TBC1D5: variants seen among roughly 807,000 people sequenced by gnomAD.
TBC1D5 encodes the protein TBC1 domain family member 5, also known as TBC1 domain family, member 5.
In TBC1D5, 75 loss-of-function variants were observed where a neutral mutation model predicts 100.3. The ratio of observed to expected loss-of-function variants is 0.75; its 90% CI spans 0.62 to 0.91. The LOEUF is 0.91. TBC1D5 is among the 40% of genes least tolerant of loss of function. The probability of loss-of-function intolerance (pLI) is 0.00; values close to 1 mark genes in which losing one functional copy is unlikely to be tolerated. For synonymous variants in TBC1D5, 323 were observed against 325.6 expected, an observed-to-expected ratio of 0.99 and a Z score of 0.09; for missense variants, 910 against 942.4, an observed-to-expected ratio of 0.97 and a Z score of 0.45.
At chr3:17,380,045 A>ATGTGTGTG (rs3041142) in intron 9 of TBC1D5, among the ~76,000 whole-genome samples, 6,840 of 112,176 alleles carry the variant, frequency 0.061, 236 homozygotes, top group East Asian at 0.13. Flanking sequence ...GTGACTGTGT[A>ATGTGTGTG]TGTGTGTGTG....
intron 13 of TBC1D5, among the ~76,000 whole-genome samples, chr3:17,321,732 T>C (rs969896915): frequency 1.3e-5 from 2 of 152,214 alleles, no homozygotes; most frequent in Non-Finnish European, 2.9e-5. Flanking sequence ...TCTGTGCTAG[T>C]TCTTTCTTGA....
chr3:17,589,947 A>ATAT (rs911408110), intron 2 of TBC1D5, among the ~76,000 whole-genome samples: 13 of 152,190 alleles, frequency 8.5e-5, no homozygotes, highest in African/African-American at 3.1e-4. Flanking sequence ...AGGAGATGTG[A>ATAT]TATAGCCCAG....
intron 15 of TBC1D5, among the ~76,000 whole-genome samples, chr3:17,289,564 G>T (rs1052884881): frequency 1.3e-5 from 2 of 151,596 alleles, no homozygotes; most frequent in African/African-American, 4.9e-5. Flanking sequence ...AACCTGGGAG[G>T]CGGAGGTTGC....
intron 1 of TBC1D5, among the ~76,000 whole-genome samples, chr3:17,701,790 G>C (rs1360267251): frequency 6.6e-6 from 1 of 151,804 alleles, no homozygotes; most frequent in East Asian, 1.9e-4. Context: ...TTCCTTAACA[G>C]TTTAAAGGCT....
chr3:17,574,987 C>T (rs1663850255), intron 2 of TBC1D5, among the ~76,000 whole-genome samples: 1 of 152,014 alleles, frequency 6.6e-6, no homozygotes, highest in African/African-American at 2.4e-5. Flanking sequence ...ACACAAAACA[C>T]CCTAGGTTGT....
At chr3:17,474,524 T>A (rs547069468) in intron 3 of TBC1D5, among the ~76,000 whole-genome samples, 3 of 151,858 alleles carry the variant, frequency 2.0e-5, no homozygotes, top group Admixed American at 6.6e-5. Context: ...AGGAAAAAAA[T>A]AAAGCTGATA....
intron 13 of TBC1D5, among the ~76,000 whole-genome samples, chr3:17,322,489 A>G (rs1426222700): frequency 6.6e-6 from 1 of 152,236 alleles, no homozygotes; most frequent in Non-Finnish European, 1.5e-5. Context: ...GATTTCTGAC[A>G]TAAGGGGGAA....
chr3:17,211,836 T>G (rs1225876924), intron 18 of TBC1D5, among the ~76,000 whole-genome samples: 1 of 152,214 alleles, frequency 6.6e-6, no homozygotes, highest in Non-Finnish European at 1.5e-5. Flanking sequence ...GCACTAAAGG[T>G]GCCAGGTTTA....
At chr3:17,692,855 C>T (rs1315545132) in intron 1 of TBC1D5, among the ~76,000 whole-genome samples, 3 of 152,204 alleles carry the variant, frequency 2.0e-5, no homozygotes, top group South Asian at 2.1e-4. Flanking sequence ...ATAGGCCAGG[C>T]ACGGTAGTTC....
At chr3:17,516,973 C>T (rs947416001) in intron 2 of TBC1D5, among the ~76,000 whole-genome samples, 10 of 152,312 alleles carry the variant, frequency 6.6e-5, no homozygotes, top group African/African-American at 2.4e-4. Context: ...TCTGGGAACA[C>T]TCTGCTCTTC....
chr3:17,653,942 G>A (rs1164929720), intron 1 of TBC1D5, among the ~76,000 whole-genome samples: 11 of 151,964 alleles, frequency 7.2e-5, no homozygotes, highest in Non-Finnish European at 1.6e-4. Context: ...GGATTAGAGG[G>A]GTTATTCTAA....
chr3:17,615,875 GTC>G (rs1276782785), intron 2 of TBC1D5, among the ~76,000 whole-genome samples: 2 of 151,954 alleles, frequency 1.3e-5, no homozygotes, highest in Non-Finnish European at 2.9e-5. Context: ...CATTTTTTGT[GTC>G]TCTATCTCCT....
chr3:17,427,544 GAC>G (rs2094361296), intron 4 of TBC1D5, among the ~76,000 whole-genome samples: 1 of 151,776 alleles, frequency 6.6e-6, no homozygotes, highest in South Asian at 2.1e-4. Flanking sequence ...TAGAAAAGAA[GAC>G]AGTTTAATAT....
At chr3:17,446,903 G>A (rs1039393172) in intron 3 of TBC1D5, among the ~76,000 whole-genome samples, 6 of 151,048 alleles carry the variant, frequency 4.0e-5, no homozygotes, top group African/African-American at 9.7e-5. Context: ...CCTGGGAGGC[G>A]GAGCTTGCAG....
intron 1 of TBC1D5, among the ~76,000 whole-genome samples, chr3:17,730,892 G>A (rs2076497694): frequency 6.6e-6 from 1 of 151,980 alleles, no homozygotes; most frequent in Admixed American, 6.6e-5. Context: ...AGACTAATGA[G>A]TAAAAAGGTA....
intron 15 of TBC1D5, among the ~76,000 whole-genome samples, chr3:17,277,752 A>G (rs1363010234): frequency 1.3e-5 from 2 of 152,208 alleles, no homozygotes; most frequent in African/African-American, 4.8e-5. Context: ...AATCTGCAAG[A>G]AAGGCAAGGG....
chr3:17,713,762 C>A (rs2074982652), intron 1 of TBC1D5, among the ~76,000 whole-genome samples: 1 of 151,970 alleles, frequency 6.6e-6, no homozygotes, highest in African/African-American at 2.4e-5. Context: ...ATTCAAATGG[C>A]CAGAAAGCAC....
chr3:17,386,564 T>G (rs73156353), intron 8 of TBC1D5, among the ~76,000 whole-genome samples: 9,238 of 152,152 alleles, frequency 0.061, 547 homozygotes, highest in African/African-American at 0.15. Context: ...CTGCCAATCA[T>G]TGAGTTTTGG....
rs371345336 is a variant in TBC1D5 at position 17,468,336 on chromosome 3, C to A, written c.98-39817G>T. Among the ~76,000 whole-genome samples, 114 of 152,226 alleles carry A rather than the reference C, an allele frequency of 7.5e-4. No individual in the cohort carries two copies. In the South Asian group the frequency reaches 0.011, roughly 15 times the overall value. On this transcript the variant is annotated intron_variant, in intron 3 of 21. Transcript: ENST00000253692. ...TTTCCTCAGTTTGGAATGTCCTTGC[C>A]CCAAAACTTACATGGTTCACTCCTT...
Sources: allele counts gnomAD v4.1 joint callset (sites outside exome capture counted in the v4.1 genomes callset), GRCh38; gene constraint gnomAD v4.1.1; transcripts MANE v1.5; gene names NCBI Gene and HGNC (gene_info 2026-07-23, HGNC 2026-07-21).